ERC1: variants seen among roughly 807,000 people sequenced by gnomAD.
ERC1 encodes RAB6 interacting protein 2.
A neutral mutation model predicts 132.0 loss-of-function variants in ERC1; 56 were observed. That is an observed-to-expected ratio of 0.42 (90% CI 0.34 to 0.53). The LOEUF (loss-of-function observed/expected upper bound fraction) is 0.53. Ranked by LOEUF, ERC1 falls within the 20% of genes least tolerant of loss-of-function variation. The pLI is 0.03. For synonymous variants in ERC1, 478 were observed against 476.1 expected, an observed-to-expected ratio of 1.00 and a Z score of -0.05; for missense variants, 1,202 against 1,349.9, an observed-to-expected ratio of 0.89 and a Z score of 1.72.
At chr12:1,166,002 T>A (rs1298837392) in intron 8 of ERC1, among the ~76,000 whole-genome samples, 5 of 152,200 alleles carry the variant, frequency 3.3e-5, no homozygotes, top group Non-Finnish European at 7.4e-5. Flanking sequence ...TGGATTTGCC[T>A]ATACTGGATG....
chr12:1,012,028 G>A (rs1964760491), intron 1 of ERC1, among the ~76,000 whole-genome samples: 1 of 151,902 alleles, frequency 6.6e-6, no homozygotes, highest in African/African-American at 2.4e-5. Flanking sequence ...GGTTTTTGTA[G>A]GCTTCATGTT....
At chr12:995,002 A>T (rs1960510581) in intron 1 of ERC1, among the ~76,000 whole-genome samples, 1 of 152,078 alleles carries the variant, frequency 6.6e-6, no homozygotes, top group Admixed American at 6.6e-5. Flanking sequence ...AGGCTAAGGC[A>T]GGAAAATCTC....
chr12:1,482,309 C>CG lies in ERC1; in HGVS notation c.3214-7784_3214-7783insG, dbSNP rs1274430074. ...TGTCCCCTGCTGTCAAGAAAATACC[C>CG]ACCCCCCCAACCCTGCCTTCCTTTC... On this transcript the variant is annotated intron_variant, in intron 18 of 18. Transcript: ENST00000360905. Among the ~76,000 whole-genome samples, 271 of 152,024 alleles carry CG rather than the reference C, an allele frequency of 1.8e-3. 1 individual carries two copies. The highest frequency in any genetic ancestry group is 5.6e-3 in the African/African-American group (233 of 41,472).
chr12:1,484,379 C>T (rs1392354505), intron 18 of ERC1, among the ~76,000 whole-genome samples: 1 of 151,974 alleles, frequency 6.6e-6, no homozygotes, highest in African/African-American at 2.4e-5. Context: ...AAATTTCTTA[C>T]TGGTGTTTCT....
chr12:1,314,779 A>G (rs559272822), intron 15 of ERC1, among the ~76,000 whole-genome samples: 5 of 152,314 alleles, frequency 3.3e-5, no homozygotes, highest in South Asian at 2.1e-4. Flanking sequence ...GATAATGGCA[A>G]TCTTTTAAAA....
chr12:1,242,490 A>G (rs1025338401), intron 13 of ERC1, among the ~76,000 whole-genome samples: 2 of 152,234 alleles, frequency 1.3e-5, no homozygotes, highest in African/African-American at 4.8e-5. Context: ...GATAATAGAG[A>G]AGAAAAAGGC....
At chr12:1,122,615 C>A (rs1270805972) in intron 7 of ERC1, among the ~76,000 whole-genome samples, 16 of 5,718 alleles carry the variant, frequency 2.8e-3, no homozygotes, top group Admixed American at 8.3e-3. Context: ...CTATCTCTAT[C>A]TCTATCTGTG....
rs76912244 is a variant in ERC1 at position 1,248,584 on chromosome 12, G to C, written c.2487+11680G>C. ...AATAGGTAAGGGTCAGGTCAAAAGGGACCTTATAGGCCATGAAAAGAAGTT... is the reference window on the plus strand; with the variant it reads ...AATAGGTAAGGGTCAGGTCAAAAGGCACCTTATAGGCCATGAAAAGAAGTT... On this transcript the variant is annotated intron_variant, in intron 13 of 18. Transcript: ENST00000360905. Among the ~76,000 whole-genome samples, 5 of 152,278 alleles carry C rather than the reference G, an allele frequency of 3.3e-5. 1 individual carries two copies. In the East Asian group the frequency reaches 9.6e-4, roughly 29 times the overall value.
At chr12:1,232,789 C>A (rs2154300699) in intron 12 of ERC1, among the ~76,000 whole-genome samples, 1 of 151,930 alleles carries the variant, frequency 6.6e-6, no homozygotes, top group East Asian at 1.9e-4. Flanking sequence ...ATCTTTAATG[C>A]CATCAGTCAT....
At chr12:1,042,442 T>G (rs1307444961) in intron 2 of ERC1, among the ~76,000 whole-genome samples, 1 of 147,938 alleles carries the variant, frequency 6.8e-6, no homozygotes, top group Non-Finnish European at 1.5e-5. Context: ...ACCTCCCGGG[T>G]TCAACCGGTT....
chr12:1,043,059 T>A (rs1970524817), intron 2 of ERC1, among the ~76,000 whole-genome samples: 2 of 151,014 alleles, frequency 1.3e-5, no homozygotes, highest in South Asian at 4.2e-4. Flanking sequence ...TTTTTTTTTT[T>A]TTTAGACAGA....
At chr12:1,196,882 CTGTCTG>C in intron 12 of ERC1, among the ~76,000 whole-genome samples, 1 of 143,616 alleles carries the variant, frequency 7.0e-6, no homozygotes, top group South Asian at 2.3e-4. Flanking sequence ...CTCTCTCTGT[CTGTCTG>C]TCTCTCTCTG....
At chr12:1,460,981 T>TTTTTTTTTTTTTTTTC (rs61029874) in intron 18 of ERC1, among the ~76,000 whole-genome samples, 1 of 137,786 alleles carries the variant, frequency 7.3e-6, no homozygotes, top group African/African-American at 2.9e-5. Flanking sequence ...TTTTTTTTTT[T>TTTTTTTTTTTTTTTTC]CATTTTTCTA....
chr12:1,209,415 T>G (rs1197114041), intron 12 of ERC1, among the ~76,000 whole-genome samples: 2 of 152,220 alleles, frequency 1.3e-5, no homozygotes, highest in Admixed American at 6.5e-5. Flanking sequence ...TTTTTTTTTT[T>G]TTTGCTCTAA....
At chr12:1,124,614 C>CAG (rs59431343) in intron 7 of ERC1, among the ~76,000 whole-genome samples, 148,792 of 152,110 alleles carry the variant, frequency 0.98, 72,847 homozygotes, top group East Asian at 1. Context: ...TTAGAAAAAA[C>CAG]AGTTAATCCA....
chr12:1,061,749 CTT>C (rs1937971418), intron 2 of ERC1, among the ~76,000 whole-genome samples: 2 of 149,760 alleles, frequency 1.3e-5, no homozygotes, highest in East Asian at 4.1e-4. Context: ...CTTGCTTTCT[CTT>C]TCTCTCTCTC....
chr12:1,261,251 G>A (rs1367366434), intron 13 of ERC1, among the ~76,000 whole-genome samples: 3 of 152,146 alleles, frequency 2.0e-5, no homozygotes, highest in Admixed American at 6.5e-5. Flanking sequence ...CAGGAGACTT[G>A]CAAAAAACAG....
At chr12:1,026,952 G>A (rs919252919) in intron 1 of ERC1, among the ~76,000 whole-genome samples, 36 of 152,222 alleles carry the variant, frequency 2.4e-4, no homozygotes, top group African/African-American at 8.2e-4. Flanking sequence ...ATCCTGTAGA[G>A]ATTTTTCACT....
chr12:1,398,376 TAAC>T lies in ERC1; in HGVS notation c.2926-9770_2926-9768del, dbSNP rs762934775. ...GCATTATATTGTTAGAGAAAACAAA[TAAC>T]AAGTAATTATGTTATTGTTAGGAAC... On this transcript the variant is annotated intron_variant, in intron 16 of 18. Coordinates refer to ENST00000360905, the MANE Select transcript of ERC1 (RefSeq NM_178040.4). Among the ~76,000 whole-genome samples the T allele has an allele frequency of 8.5e-5, 13 of 152,314 alleles. No homozygotes were observed. In the East Asian group the frequency reaches 1.2e-3, roughly 14 times the overall value.
Sources: allele counts gnomAD v4.1 joint callset (sites outside exome capture counted in the v4.1 genomes callset), GRCh38; gene constraint gnomAD v4.1.1; transcripts MANE v1.5; gene names NCBI Gene and HGNC (gene_info 2026-07-23, HGNC 2026-07-21).